The following GLI3 variants were observed in gnomAD, a reference collection of about 807,000 sequenced individuals.
GLI3 encodes transcription activator GLI3.
GLI3 carries 20 observed loss-of-function variants against 100.8 expected under a neutral mutation model. The observed-to-expected ratio is 0.20, with a 90% confidence interval of 0.14 to 0.29. GLI3 has a LOEUF of 0.29. GLI3 is among the 10% of genes least tolerant of loss of function. The pLI is 1.00. For synonymous variants in GLI3, 938 were observed against 860.5 expected (o/e 1.09, Z -1.58); for missense variants, 2,040 against 2,128.5 (o/e 0.96, Z 0.82).
chr7:42,026,785 T>C (rs187590534), intron 7 of GLI3, among the ~76,000 whole-genome samples: 1 of 152,370 alleles, frequency 6.6e-6, no homozygotes, highest in African/African-American at 2.4e-5. Flanking sequence ...CATGGAGCAA[T>C]TCCTTTAATC....
rs560144515 is a variant in GLI3 at position 42,084,975 on chromosome 7, A to C, written c.368-8118T>G. On this transcript the variant is annotated intron_variant, in intron 3 of 14. Coordinates refer to ENST00000395925, the MANE Select transcript of GLI3 (RefSeq NM_000168.6). The stretch of plus-strand genomic sequence containing the variant: ...TGCCCAGGCTGGACTGCAGTGGCAC[A>C]ATCTCAGCTCACTGCAACCTCCACC... Among the ~76,000 whole-genome samples the C allele has an allele frequency of 4.4e-5, 6 of 135,274 alleles. No individual in the cohort carries two copies. In the South Asian group the frequency reaches 9.1e-4, roughly 21 times the overall value. The allele number at this position is 135,274 out of a possible 152,430, so 88.7% of individuals were successfully genotyped here.
intron 1 of GLI3, among the ~76,000 whole-genome samples, chr7:42,262,043 T>G (rs1789147561): frequency 1.3e-5 from 2 of 151,258 alleles, no homozygotes; most frequent in South Asian, 4.2e-4. Flanking sequence ...TCTTTCTTTC[T>G]TTCTTTTTTC....
chr7:42,045,763 G>A (rs1462557007), intron 5 of GLI3, among the ~76,000 whole-genome samples: 2 of 151,962 alleles, frequency 1.3e-5, no homozygotes, highest in Non-Finnish European at 2.9e-5. Flanking sequence ...CTAAGTTTTT[G>A]TTGTTGGTCT....
chr7:41,965,695 G>T lies in GLI3; in HGVS notation c.3378C>A (p.Pro1126=). 6.2e-7 allele frequency: 1 copy of T among 1,613,464 alleles called. No individual in the cohort carries two copies. The highest frequency in any genetic ancestry group is 2.2e-5 in the East Asian group (1 of 44,840). ...GCAGCCCGGGCGCGTCAAAGTCACC[G>T]GGCCCGTGGGGCACTTTGCTGTCGT... ...LPDDSKVPHG[P]GDFDAPGLPD... Residue 1126 remains proline, a synonymous_variant, in exon 15 of 15, where the codon CCC becomes CCA. Coordinates refer to ENST00000395925, the MANE Select transcript of GLI3 (RefSeq NM_000168.6).
At chr7:42,098,717 C>T (rs59638201) in intron 3 of GLI3, among the ~76,000 whole-genome samples, 16,249 of 152,184 alleles carry the variant, frequency 0.11, 949 homozygotes, top group African/African-American at 0.16. Context: ...TCTAGCAATG[C>T]TTTTCACCCC....
intron 10 of GLI3, among the ~76,000 whole-genome samples, chr7:42,021,293 C>T (rs1478109706): frequency 6.6e-6 from 1 of 152,090 alleles, no homozygotes; most frequent in Non-Finnish European, 1.5e-5. Context: ...AGATTTTCTT[C>T]TAATCCTGAC....
chr7:42,085,866 CT>C (rs1291978120), intron 3 of GLI3, among the ~76,000 whole-genome samples: 2 of 152,198 alleles, frequency 1.3e-5, no homozygotes, highest in Admixed American at 6.5e-5. Flanking sequence ...TAAAGAATCA[CT>C]TCCAGAAATA....
rs886320788 is a variant in GLI3, at chr7:42,023,491, C to T, written c.1474G>A (p.Asp492Asn). 9 of 1,614,032 alleles carry T rather than the reference C, an allele frequency of 5.6e-6. No individual in the cohort carries two copies. In the African/African-American group the frequency reaches 6.7e-5, roughly 12 times the overall value. ...ACGTGCACAAGCTGCTCTTGGGTGTCGAACTCCCTCGCGCAGCCTTCCCAG... is the reference window on the plus strand; with the variant it reads ...ACGTGCACAAGCTGCTCTTGGGTGTTGAACTCCCTCGCGCAGCCTTCCCAG... ...CHWEGCAREF[D>N]TQEQLVHHIN... The change falls in exon 10 of 15, where the codon GAC becomes AAC. Residue 492 changes from aspartate to asparagine, a missense_variant. By Grantham distance (23) the Asp-to-Asn change is conservative (BLOSUM62 1). This residue lies in a region of GLI3 where 603 missense variants were observed against 690.9 expected (regional missense o/e 0.87). Coordinates refer to ENST00000395925, the MANE Select transcript of GLI3 (RefSeq NM_000168.6).
intron 3 of GLI3, among the ~76,000 whole-genome samples, chr7:42,111,365 A>G (rs1188876056): frequency 6.6e-6 from 1 of 152,180 alleles, no homozygotes; most frequent in Non-Finnish European, 1.5e-5. Context: ...AGGTAGCTCA[A>G]GGGGTCAGAT....
Position 41,988,208 on chromosome 7 carries a change from T to A in GLI3, c.1498-9460A>T, listed in dbSNP as rs529992077. Among the ~76,000 whole-genome samples the A allele has an allele frequency of 9.9e-5, 15 of 152,208 alleles. No individual in the cohort carries two copies. In the South Asian group the frequency reaches 2.9e-3, roughly 29 times the overall value. On this transcript the variant is annotated intron_variant, in intron 10 of 14. Coordinates refer to ENST00000395925, the MANE Select transcript of GLI3 (RefSeq NM_000168.6). ...CAGGCACGGTGGCTCACGCCTGTAA[T>A]CCTAGCACTTTAGGAGGCCAAGGCG... is the stretch of plus-strand genomic sequence containing the variant.
chr7:41,994,569 G>C (rs1583768273), intron 10 of GLI3, among the ~76,000 whole-genome samples: 1 of 152,186 alleles, frequency 6.6e-6, no homozygotes, highest in South Asian at 2.1e-4. Flanking sequence ...TGGGAAGAAA[G>C]CCTGCCTTGT....
chr7:42,177,103 G>T (rs748431759), intron 2 of GLI3, among the ~76,000 whole-genome samples: 1 of 152,042 alleles, frequency 6.6e-6, no homozygotes, highest in Non-Finnish European at 1.5e-5. Context: ...CCAGTGATAG[G>T]GACACTCCGT....
chr7:42,201,910 T>C (rs1788047291), intron 2 of GLI3, among the ~76,000 whole-genome samples: 1 of 151,948 alleles, frequency 6.6e-6, no homozygotes, highest in African/African-American at 2.4e-5. Flanking sequence ...AGTGAAACCC[T>C]GTCTCTACTA....
chr7:42,196,950 G>A (rs769758795), intron 2 of GLI3, among the ~76,000 whole-genome samples: 1 of 152,180 alleles, frequency 6.6e-6, no homozygotes. Flanking sequence ...CGACAATGTC[G>A]TGTATACATC....
intron 3 of GLI3, among the ~76,000 whole-genome samples, chr7:42,140,836 T>C (rs1786551026): frequency 6.6e-6 from 1 of 152,106 alleles, no homozygotes; most frequent in South Asian, 2.1e-4. Context: ...CCGAGGATAA[T>C]GTTGCCTCTA....
chr7:42,144,612 T>C (rs756350511), intron 3 of GLI3, among the ~76,000 whole-genome samples: 1 of 151,992 alleles, frequency 6.6e-6, no homozygotes, highest in Non-Finnish European at 1.5e-5. Context: ...AGATGCAACA[T>C]TGCATACCCA....
At chr7:41,979,470 C>T (rs1787598942) in intron 10 of GLI3, among the ~76,000 whole-genome samples, 2 of 152,158 alleles carry the variant, frequency 1.3e-5, no homozygotes, top group African/African-American at 4.8e-5. Flanking sequence ...TCTATTAATA[C>T]AGTTTTTAAC....
At chr7:42,155,440 CAAA>C (rs570132468) in intron 2 of GLI3, among the ~76,000 whole-genome samples, 3 of 121,502 alleles carry the variant, frequency 2.5e-5, no homozygotes, top group African/African-American at 2.9e-5. Context: ...ACTCAGTCTC[CAAA>C]AAAAAAAAAA....
chr7:42,253,245 A>C (rs1014061686), intron 1 of GLI3, among the ~76,000 whole-genome samples: 2 of 152,342 alleles, frequency 1.3e-5, no homozygotes, highest in Non-Finnish European at 2.9e-5. Context: ...GTGCACCTGG[A>C]ATATGAACTT....
Sources: allele counts gnomAD v4.1 joint callset (sites outside exome capture counted in the v4.1 genomes callset), GRCh38; gene constraint gnomAD v4.1.1; regional missense constraint gnomAD v4.1.1; transcripts MANE v1.5; gene names NCBI Gene and HGNC (gene_info 2026-07-23, HGNC 2026-07-21).